The following FARSB variants were observed in gnomAD, a reference collection of about 807,000 sequenced individuals.
FARSB encodes the protein phenylalanyl-tRNA synthetase subunit beta, also known as phenylalanine--tRNA ligase beta subunit.
In FARSB, 40 loss-of-function variants were observed where a neutral mutation model predicts 69.6. That is an observed-to-expected ratio of 0.57 (90% CI 0.45 to 0.75). The LOEUF (loss-of-function observed/expected upper bound fraction) is 0.75. FARSB is among the 30% of genes least tolerant of loss of function. FARSB has a pLI of 0.00. For missense variants in FARSB, 632 were observed against 722.9 expected (o/e 0.87, Z 1.44); for synonymous variants, 235 against 247.2 (o/e 0.95, Z 0.46).
At position 222,624,711 on chromosome 2, in the gene FARSB, T is replaced by C. The variant is rs911701098; in HGVS notation, c.962+3A>G. 5.6e-6 allele frequency: 9 copies of C among 1,594,654 alleles called. No homozygotes were observed. The highest frequency in any genetic ancestry group is 5.1e-5 in the Admixed American group (3 of 58,626). On this transcript the variant is annotated splice_donor_region_variant and intron_variant, in intron 11 of 16. Transcript: ENST00000281828. ...TGAATTAAGTGAAGTTTTCAGAGCA[T>C]ACCTGATTCCAACTTTTTTGTTAAT...
chr2:222,635,535 AAAATATGCATG>A (rs758615878), intron 5 of FARSB, among the ~76,000 whole-genome samples: 1 of 152,222 alleles, frequency 6.6e-6, no homozygotes, highest in Non-Finnish European at 1.5e-5. Flanking sequence ...ATCATAGGAT[AAAATATGCATG>A]GTTTGATAAA....
intron 1 of FARSB, among the ~76,000 whole-genome samples, chr2:222,652,486 C>T (rs892891374): frequency 6.6e-6 from 1 of 152,188 alleles, no homozygotes; most frequent in African/African-American, 2.4e-5. Flanking sequence ...TTATTGAAAA[C>T]AGGCGTCTAT....
chr2:222,621,656 G>A (rs1470698096), intron 13 of FARSB, among the ~76,000 whole-genome samples: 1 of 152,166 alleles, frequency 6.6e-6, no homozygotes, highest in East Asian at 1.9e-4. Flanking sequence ...ACTTAAAAGT[G>A]AGCCAATTTA....
chr2:222,571,797 G>A lies in FARSB; in HGVS notation c.*74C>T, dbSNP rs553112461. The A allele has an allele frequency of 7.9e-7, 1 of 1,271,828 alleles. No homozygotes were observed. The highest frequency in any genetic ancestry group is 1.4e-5 in the South Asian group (1 of 71,960). The allele number at this position is 1,271,828 out of a possible 1,614,324, so 78.8% of individuals were successfully genotyped here. A position where few individuals can be genotyped will look rare whatever the true frequency, so the allele number is the denominator to read the frequency against. ...CAAAGCCCAAATAGATGTTCCCTGT[G>A]GAGGAGGACTTAAGGACACTAGGGG... is the stretch of plus-strand genomic sequence containing the variant. On this transcript the variant is annotated 3_prime_UTR_variant, in exon 17 of 17. Coordinates refer to ENST00000281828, the MANE Select transcript of FARSB (RefSeq NM_005687.5).
Position 222,639,606 on chromosome 2 carries a change from C to T in FARSB, c.429G>A (p.Gln143=). The T allele has an allele frequency of 6.3e-7, 1 of 1,580,722 alleles. No individual in the cohort carries two copies. The highest frequency in any genetic ancestry group is 8.6e-7 in the Non-Finnish European group (1 of 1,157,668). Residue 143 remains glutamine (Q), a synonymous_variant, in exon 5 of 17, where the codon CAG becomes CAA. Coordinates refer to ENST00000281828, the MANE Select transcript of FARSB (RefSeq NM_005687.5). ...TGCAAATATTCTGATGTAATTTCTC[C>T]TGAAGTTCAATGAAGCTGTCATATC... ...KDRYDSFIEL[Q]EKLHQNICRK...
chr2:222,644,816 A>C (rs553858360), intron 2 of FARSB, among the ~76,000 whole-genome samples: 1 of 152,310 alleles, frequency 6.6e-6, no homozygotes, highest in Non-Finnish European at 1.5e-5. Flanking sequence ...TTAAAATAAT[A>C]TACTATAATA....
chr2:222,622,286 G>A (rs1197215368), intron 13 of FARSB, among the ~76,000 whole-genome samples: 3 of 152,136 alleles, frequency 2.0e-5, no homozygotes, highest in Admixed American at 6.6e-5. Flanking sequence ...AATGGATATT[G>A]TAATAAGTAT....
intron 15 of FARSB, among the ~76,000 whole-genome samples, 196 bp from the exon 16 acceptor site, chr2:222,600,279 T>C (rs1690527476): frequency 2.6e-5 from 4 of 152,192 alleles, no homozygotes; most frequent in Admixed American, 2.6e-4. Flanking sequence ...TAAGGTGTTT[T>C]ATTTGGGGGA....
At chr2:222,584,886 C>T (rs1476982927) in intron 16 of FARSB, among the ~76,000 whole-genome samples, 4 of 152,232 alleles carry the variant, frequency 2.6e-5, no homozygotes, top group Non-Finnish European at 5.9e-5. Context: ...ACAAGGCCTG[C>T]CTGCCTCTGT....
At chr2:222,593,490 T>G (rs1690330039) in intron 16 of FARSB, among the ~76,000 whole-genome samples, 1 of 152,212 alleles carries the variant, frequency 6.6e-6, no homozygotes, top group South Asian at 2.1e-4. Flanking sequence ...CTTTAGAGCT[T>G]TTGTGTGTAG....
chr2:222,650,416 C>T (rs1230313714), intron 1 of FARSB, among the ~76,000 whole-genome samples: 1 of 151,746 alleles, frequency 6.6e-6, no homozygotes, highest in Non-Finnish European at 1.5e-5. Flanking sequence ...AGTACAGATG[C>T]GATAGTGAAG....
At chr2:222,586,591 A>T (rs1428582136) in intron 16 of FARSB, among the ~76,000 whole-genome samples, 1 of 152,212 alleles carries the variant, frequency 6.6e-6, no homozygotes, top group Non-Finnish European at 1.5e-5. Context: ...AAGACCCATC[A>T]GTGTGCTGTA....
chr2:222,577,483 G>A (rs185776750), intron 16 of FARSB, among the ~76,000 whole-genome samples: 76 of 152,230 alleles, frequency 5.0e-4, no homozygotes, highest in African/African-American at 1.7e-3. Flanking sequence ...TGGATGTGAG[G>A]GAACTGGTAC....
At position 222,596,505 on chromosome 2, in the gene FARSB, C is replaced by T. The variant is rs115262281; in HGVS notation, c.1618+3423G>A. Among the ~76,000 whole-genome samples the T allele has an allele frequency of 8.0e-3, 1,220 of 152,254 alleles. 15 individuals are homozygous for T. The highest frequency in any genetic ancestry group is 0.028 in the African/African-American group (1,161 of 41,544). ...AACAGACTTAGCTCAATTATAACTG[C>T]AAAGCCACTAGAGATTTTTAATTAT... On this transcript the variant is annotated intron_variant, in intron 16 of 16. Coordinates refer to ENST00000281828, the MANE Select transcript of FARSB (RefSeq NM_005687.5).
intron 14 of FARSB, among the ~76,000 whole-genome samples, chr2:222,616,545 CAAAAAAAAAAAA>C (rs11447332): frequency 1.3e-5 from 1 of 74,136 alleles, no homozygotes; most frequent in Non-Finnish European, 2.4e-5. Context: ...GACTCCATCT[CAAAAAAAAAAAA>C]AAAAAAAAAA....
intron 2 of FARSB, among the ~76,000 whole-genome samples, chr2:222,647,178 T>C (rs527850573): frequency 6.6e-6 from 1 of 152,286 alleles, no homozygotes; most frequent in Admixed American, 6.5e-5. Flanking sequence ...GAAACTATCA[T>C]CTAGATCCTT....
intron 13 of FARSB, among the ~76,000 whole-genome samples, chr2:222,620,893 T>C (rs910838450): frequency 1.3e-5 from 2 of 152,200 alleles, no homozygotes; most frequent in Non-Finnish European, 2.9e-5. Flanking sequence ...TCAATGTCAG[T>C]TCTAGTGATT....
At chr2:222,612,254 T>A (rs1320873426) in intron 15 of FARSB, among the ~76,000 whole-genome samples, 1 of 152,230 alleles carries the variant, frequency 6.6e-6, no homozygotes, top group African/African-American at 2.4e-5. Flanking sequence ...TTCTACATAG[T>A]GATATTAAAC....
chr2:222,639,672 C>G lies in FARSB; in HGVS notation c.363G>C (p.Ala121=). The change falls in exon 5 of 17, where the codon GCG becomes GCC. Residue 121 remains alanine, a synonymous_variant. Coordinates refer to ENST00000281828, the MANE Select transcript of FARSB (RefSeq NM_005687.5). The part of the protein sequence containing the change: ...TEETAKIRPF[A]VAAVLRNIKF... ...TTATATTACGGAGAACTGCTGCTAC[C>G]GCAAAAGGACGTATCTTAGCTGTCT... 6.4e-7 allele frequency: 1 copy of G among 1,568,074 alleles called. No homozygotes were observed. The highest frequency in any genetic ancestry group is 8.7e-7 in the Non-Finnish European group (1 of 1,150,232).
Sources: allele counts gnomAD v4.1 joint callset (sites outside exome capture counted in the v4.1 genomes callset), GRCh38; gene constraint gnomAD v4.1.1; transcripts MANE v1.5; gene names NCBI Gene and HGNC (gene_info 2026-07-23, HGNC 2026-07-21).